The following TENM4 variants were observed in gnomAD, a reference collection of about 807,000 sequenced individuals.
The protein encoded by TENM4 is teneurin-4.
Under a neutral mutation model 243.3 loss-of-function variants are expected in TENM4, and 82 were observed. The observed-to-expected ratio is 0.34, with a 90% CI of 0.28 to 0.40. TENM4 has a LOEUF of 0.40. Among genes scored for constraint, TENM4 ranks in the 10% least tolerant of loss-of-function variants. The pLI is 1.00. For missense variants in TENM4, 3,138 were observed against 3,673.3 expected (o/e 0.85, Z 3.77); for synonymous variants, 1,412 against 1,456.3 (o/e 0.97, Z 0.69).
At chr11:79,253,080 G>C (rs952292434) in intron 2 of TENM4, among the ~76,000 whole-genome samples, 2 of 152,196 alleles carry the variant, frequency 1.3e-5, no homozygotes, top group African/African-American at 4.8e-5. Context: ...AACTTACCCA[G>C]TGTCACACGA....
At chr11:79,113,900 A>C (rs915577801) in intron 4 of TENM4, among the ~76,000 whole-genome samples, 2 of 152,170 alleles carry the variant, frequency 1.3e-5, no homozygotes, top group African/African-American at 2.4e-5. Flanking sequence ...TGTTGCCTGC[A>C]CAACTCCTGA....
chr11:78,990,049 A>T (rs970479170), intron 6 of TENM4, among the ~76,000 whole-genome samples: 4 of 150,766 alleles, frequency 2.7e-5, no homozygotes, highest in African/African-American at 4.9e-5. Flanking sequence ...GGGTGACAGG[A>T]GTGAGGCTTT....
chr11:78,941,553 T>C (rs1856893908), intron 6 of TENM4, among the ~76,000 whole-genome samples: 2 of 151,844 alleles, frequency 1.3e-5, no homozygotes, highest in African/African-American at 2.4e-5. Context: ...GCCTGACCTC[T>C]AGGCTCGGAG....
chr11:79,284,289 C>T (rs1284290863), intron 2 of TENM4, among the ~76,000 whole-genome samples: 1 of 152,176 alleles, frequency 6.6e-6, no homozygotes, highest in Non-Finnish European at 1.5e-5. Flanking sequence ...AGGAACCCCA[C>T]ATCTCAATGT....
chr11:79,431,119 A>G (rs898082861), intron 1 of TENM4, among the ~76,000 whole-genome samples: 1 of 152,216 alleles, frequency 6.6e-6, no homozygotes, highest in East Asian at 1.9e-4. Flanking sequence ...TCTTCCCCAA[A>G]CCATCAAAAA....
chr11:79,064,528 C>T, intron 6 of TENM4: 1 of 653,454 alleles, frequency 1.5e-6, no homozygotes, highest in Non-Finnish European at 2.5e-6. Flanking sequence ...AATCCGGAAG[C>T]AAAGAGCAGC....
Position 78,741,631 on chromosome 11 carries a change from T to C in TENM4, c.2757-3061A>G, listed in dbSNP as rs111887831. On this transcript the variant is annotated intron_variant, in intron 19 of 33. Transcript: ENST00000278550. ...AATTTAATTTTTAATAATGGCTGTG[T>C]TTAACAACCAGCTTGCAGAATTTCT... is the stretch of plus-strand genomic sequence containing the variant. Among the ~76,000 whole-genome samples, 1,211 of 152,364 alleles carry C rather than the reference T, an allele frequency of 7.9e-3. 16 individuals carry two copies. The highest frequency in any genetic ancestry group is 0.027 in the African/African-American group (1,130 of 41,584).
intron 1 of TENM4, among the ~76,000 whole-genome samples, chr11:79,334,587 C>T (rs767911668): frequency 8.5e-5 from 13 of 152,128 alleles, no homozygotes; most frequent in Non-Finnish European, 1.9e-4. Context: ...AGGGGCATCC[C>T]TTGCCTGTCT....
chr11:79,024,323 A>T (rs2136820671), intron 6 of TENM4, among the ~76,000 whole-genome samples: 1 of 152,214 alleles, frequency 6.6e-6, no homozygotes, highest in South Asian at 2.1e-4. Flanking sequence ...GACTTCCAAG[A>T]CCCTGGTTTA....
At chr11:78,967,224 T>A (rs930768942) in intron 6 of TENM4, among the ~76,000 whole-genome samples, 14 of 152,236 alleles carry the variant, frequency 9.2e-5, no homozygotes, top group African/African-American at 3.1e-4. Context: ...TTTACTTGTC[T>A]GTGTCCACCC....
intron 9 of TENM4, among the ~76,000 whole-genome samples, chr11:78,871,548 G>T (rs1413746851): frequency 6.6e-6 from 1 of 152,118 alleles, no homozygotes; most frequent in Non-Finnish European, 1.5e-5. Flanking sequence ...TTTGTGTCAG[G>T]GCCTGGGACT....
chr11:78,832,474 G>A (rs1299521985), intron 12 of TENM4, among the ~76,000 whole-genome samples: 1 of 152,234 alleles, frequency 6.6e-6, no homozygotes, highest in Non-Finnish European at 1.5e-5. Context: ...ACATATGTTT[G>A]TAAATGGATT....
chr11:78,787,785 G>A (rs1229276025), intron 15 of TENM4, among the ~76,000 whole-genome samples: 1 of 152,184 alleles, frequency 6.6e-6, no homozygotes, highest in Non-Finnish European at 1.5e-5. Flanking sequence ...TGGTTTGGAG[G>A]GGGGCCCTTC....
chr11:79,250,912 T>C (rs1855598990), intron 2 of TENM4, among the ~76,000 whole-genome samples: 1 of 152,226 alleles, frequency 6.6e-6, no homozygotes, highest in Non-Finnish European at 1.5e-5. Flanking sequence ...AAGGATCCAC[T>C]AGTGGTGCTT....
At chr11:79,321,419 G>A (rs1267338168) in intron 1 of TENM4, among the ~76,000 whole-genome samples, 4 of 152,082 alleles carry the variant, frequency 2.6e-5, no homozygotes, top group South Asian at 4.1e-4. Context: ...TGCAGAAAGC[G>A]TTTACAGCAA....
At chr11:79,106,707 A>G (rs1861378199) in intron 4 of TENM4, among the ~76,000 whole-genome samples, 2 of 152,204 alleles carry the variant, frequency 1.3e-5, no homozygotes, top group African/African-American at 4.8e-5. Flanking sequence ...TTCAGAAAGG[A>G]ATGGCAACTT....
intron 17 of TENM4, among the ~76,000 whole-genome samples, chr11:78,772,010 G>A (rs1187084593): frequency 6.6e-6 from 1 of 152,076 alleles, no homozygotes; most frequent in Non-Finnish European, 1.5e-5. Flanking sequence ...AATTTATGTA[G>A]GCAAAAAATT....
At position 79,114,929 on chromosome 11, in the gene TENM4, A is replaced by G. The variant is rs559062729; in HGVS notation, c.-66+33781T>C. ...CGAAGAGGCAGGGGATATTTAGCACATGTTTATTAAGCATCTTGAGCACTC... is the reference window on the plus strand; with the variant it reads ...CGAAGAGGCAGGGGATATTTAGCACGTGTTTATTAAGCATCTTGAGCACTC... On this transcript the variant is annotated intron_variant, in intron 4 of 33. Transcript: ENST00000278550. 8.1e-4 allele frequency among the ~76,000 whole-genome samples: 124 copies of G among 152,324 alleles called. 1 individual carries two copies. Among genetic ancestry groups the G allele is most frequent in the African/African-American group, 2.9e-3 (121 of 41,582 alleles).
intron 6 of TENM4, among the ~76,000 whole-genome samples, chr11:78,985,293 G>A (rs1243725564): frequency 6.6e-6 from 1 of 151,614 alleles, no homozygotes; most frequent in Admixed American, 6.6e-5. Flanking sequence ...GAGTATCTTT[G>A]CAAGCTAAAA....
Sources: allele counts gnomAD v4.1 joint callset (sites outside exome capture counted in the v4.1 genomes callset), GRCh38; gene constraint gnomAD v4.1.1; transcripts MANE v1.5; gene names NCBI Gene and HGNC (gene_info 2026-07-23, HGNC 2026-07-21).